SOX5: variants seen among roughly 807,000 people sequenced by gnomAD.
The protein encoded by SOX5 is SRY-box transcription factor 5, also known as transcription factor SOX-5.
A neutral mutation model predicts 92.0 loss-of-function variants in SOX5; 9 were observed. The observed-to-expected ratio is 0.10, with a 90% confidence interval of 0.06 to 0.17. SOX5 has a LOEUF of 0.17. SOX5 is among the 10% of genes least tolerant of loss of function. SOX5 has a pLI of 1.00. For missense variants in SOX5, 642 were observed against 944.5 expected, an observed-to-expected ratio of 0.68 and a Z score of 4.20; for synonymous variants, 344 against 336.3, an observed-to-expected ratio of 1.02 and a Z score of -0.25.
chr12:24,169,923 C>G (rs1953880024), intron 4 of SOX5, among the ~76,000 whole-genome samples: 1 of 152,178 alleles, frequency 6.6e-6, no homozygotes, highest in Non-Finnish European at 1.5e-5. Flanking sequence ...ATTTGGAGGG[C>G]TGGCGGAATG....
chr12:23,751,498 G>A (rs535752996), intron 4 of SOX5, among the ~76,000 whole-genome samples: 1 of 151,712 alleles, frequency 6.6e-6, no homozygotes, highest in African/African-American at 2.4e-5. Flanking sequence ...TTCTAAGCCT[G>A]CTTTTTTCAA....
intron 2 of SOX5, among the ~76,000 whole-genome samples, chr12:24,344,920 A>C (rs1953051234): frequency 6.6e-6 from 1 of 152,198 alleles, no homozygotes; most frequent in African/African-American, 2.4e-5. Context: ...GCTGCTTATA[A>C]AGCCCATCAA....
intron 2 of SOX5, among the ~76,000 whole-genome samples, chr12:24,312,289 T>C (rs1346750289): frequency 6.6e-6 from 1 of 152,198 alleles, no homozygotes; most frequent in Non-Finnish European, 1.5e-5. Flanking sequence ...TCCAAGAGTT[T>C]CCCATAATAT....
At chr12:23,571,396 A>G (rs1948356043) in intron 10 of SOX5, among the ~76,000 whole-genome samples, 1 of 152,130 alleles carries the variant, frequency 6.6e-6, no homozygotes, top group South Asian at 2.1e-4. Flanking sequence ...TAAGAACAGT[A>G]CATTCCAATA....
At chr12:24,290,480 T>C (rs116389597) in intron 2 of SOX5, among the ~76,000 whole-genome samples, 1 of 152,330 alleles carries the variant, frequency 6.6e-6, no homozygotes, top group African/African-American at 2.4e-5. Flanking sequence ...GCGGCCATTA[T>C]TATCCTCATT....
chr12:24,156,366 A>T (rs1952172505), intron 4 of SOX5, among the ~76,000 whole-genome samples: 1 of 151,946 alleles, frequency 6.6e-6, no homozygotes, highest in Admixed American at 6.6e-5. Flanking sequence ...TCCTGGGAGC[A>T]CTTCCTTAAT....
At chr12:24,512,339 G>A (rs1419942465) in intron 1 of SOX5, among the ~76,000 whole-genome samples, 1 of 152,208 alleles carries the variant, frequency 6.6e-6, no homozygotes, top group Non-Finnish European at 1.5e-5. Context: ...ACTGTCATAA[G>A]CTGTAAATCC....
intron 1 of SOX5, among the ~76,000 whole-genome samples, chr12:24,491,762 G>A (rs11614696): frequency 0.029 from 4,387 of 152,198 alleles, 78 homozygotes; most frequent in Middle Eastern, 0.054. Flanking sequence ...GTATGTAGTG[G>A]AACTCAGTCT....
intron 3 of SOX5, among the ~76,000 whole-genome samples, chr12:24,255,267 G>T (rs915198206): frequency 2.6e-5 from 4 of 152,132 alleles, no homozygotes; most frequent in Non-Finnish European, 4.4e-5. Flanking sequence ...CTCCCAAGAA[G>T]CAATTGTTGC....
At chr12:24,100,662 G>T (rs190321349) in intron 4 of SOX5, among the ~76,000 whole-genome samples, 4 of 152,168 alleles carry the variant, frequency 2.6e-5, no homozygotes, top group Admixed American at 2.6e-4. Flanking sequence ...TTTTTCCACT[G>T]ATCTCTGGAT....
At chr12:24,387,843 A>C (rs1596181079) in intron 1 of SOX5, among the ~76,000 whole-genome samples, 1 of 152,090 alleles carries the variant, frequency 6.6e-6, no homozygotes. Flanking sequence ...CTCTGGCCAC[A>C]GTTAAGTCCA....
At chr12:23,600,139 T>G (rs1285996957) in intron 9 of SOX5, among the ~76,000 whole-genome samples, 1 of 152,174 alleles carries the variant, frequency 6.6e-6, no homozygotes, top group Non-Finnish European at 1.5e-5. Flanking sequence ...AATACCTCAA[T>G]TAAATAATTT....
rs1474905582 is a variant in SOX5, at chr12:24,349,103, T to C, written c.-174+19460A>G. ...ACCCAGCTCTTTCTCAACTGACGGA[T>C]TTAGATTTGTGGATCCCTCTGTCTG... On this transcript the variant is annotated intron_variant, in intron 2 of 4. Transcript: ENST00000446891. Among the ~76,000 whole-genome samples, 7 of 152,222 alleles carry C rather than the reference T, an allele frequency of 4.6e-5. No individual in the cohort carries two copies. In the South Asian group the frequency reaches 6.2e-4, roughly 14 times the overall value.
chr12:23,984,536 G>A (rs1949883246), intron 4 of SOX5, among the ~76,000 whole-genome samples: 1 of 152,176 alleles, frequency 6.6e-6, no homozygotes, highest in South Asian at 2.1e-4. Flanking sequence ...CCATTTTGGG[G>A]AATAGTGGGT....
At chr12:24,323,426 C>T (rs911161782) in intron 2 of SOX5, among the ~76,000 whole-genome samples, 2 of 151,698 alleles carry the variant, frequency 1.3e-5, no homozygotes, top group Admixed American at 6.6e-5. Flanking sequence ...GGTTTTCTAG[C>T]ACATACACTC....
chr12:23,539,720 A>G (rs1941504951), intron 13 of SOX5, among the ~76,000 whole-genome samples: 1 of 152,240 alleles, frequency 6.6e-6, no homozygotes, highest in South Asian at 2.1e-4. Context: ...CGGGAATTAT[A>G]AAATAGTTTA....
intron 3 of SOX5, among the ~76,000 whole-genome samples, chr12:23,782,690 C>T (rs551593899): frequency 2.4e-4 from 36 of 152,222 alleles, no homozygotes; most frequent in Non-Finnish European, 4.0e-4. Context: ...TTTAAGAAAA[C>T]TATTTGTCTT....
chr12:23,903,375 T>A (rs1385565763), intron 1 of SOX5, among the ~76,000 whole-genome samples: 1 of 152,108 alleles, frequency 6.6e-6, no homozygotes, highest in Non-Finnish European at 1.5e-5. Context: ...CCTTGAGCCC[T>A]GGAATTCGAC....
intron 4 of SOX5, among the ~76,000 whole-genome samples, chr12:23,986,830 G>T (rs1950106110): frequency 6.7e-6 from 1 of 149,266 alleles, no homozygotes. Context: ...TTGTTTTATA[G>T]ATTTTATCAA....
Sources: allele counts gnomAD v4.1 joint callset (sites outside exome capture counted in the v4.1 genomes callset), GRCh38; gene constraint gnomAD v4.1.1; transcripts MANE v1.5; gene names NCBI Gene and HGNC (gene_info 2026-07-23, HGNC 2026-07-21).